The following RAB37 variants were observed in gnomAD, a reference collection of about 807,000 sequenced individuals.
RAB37 encodes ras-related protein Rab-37.
RAB37 carries 29 observed loss-of-function variants against 33.1 expected under a neutral mutation model. That is an observed-to-expected ratio of 0.88 (90% CI 0.65 to 1.20). The LOEUF (loss-of-function observed/expected upper bound fraction) is 1.20, where lower values mean the gene tolerates loss of function less well. Among genes scored for constraint, RAB37 ranks in the 50% most tolerant of loss-of-function variants. RAB37 has a pLI of 0.00. For synonymous variants in RAB37, 128 were observed against 119.5 expected (o/e 1.07, Z -0.47); for missense variants, 299 against 301.1 (o/e 0.99, Z 0.05).
At chr17:74,694,947 G>T in intron 1 of RAB37, 1 of 863,716 alleles carries the variant, frequency 1.2e-6, no homozygotes, top group Non-Finnish European at 1.7e-6. Context: ...TTGGCCCCAA[G>T]CCCAACCCAG....
intron 1 of RAB37, among the ~76,000 whole-genome samples, chr17:74,679,748 G>T (rs1325585570): frequency 6.6e-6 from 1 of 152,174 alleles, no homozygotes; most frequent in Admixed American, 6.5e-5. Context: ...GAGAGGCTGA[G>T]ATGGGCAGAT....
Position 74,671,950 on chromosome 17 carries a change from G to C in RAB37, c.72+292G>C, listed in dbSNP as rs767159072. ...TCCTTGCCTATTTATGCCCCTGGGT[G>C]ACCCCTGGCACCTTGCTCTCCTAAC... On this transcript the variant is annotated intron_variant, in intron 1 of 7. Transcript: ENST00000340415. This position sits in a 1 kb window ranked among gnomAD's most constrained non-coding sequence, Gnocchi z 5.0. Among the ~76,000 whole-genome samples, 23 of 152,226 alleles carry C rather than the reference G, an allele frequency of 1.5e-4. No individual in the cohort carries two copies. The highest frequency in any genetic ancestry group is 2.6e-4 in the Admixed American group (4 of 15,298).
chr17:74,702,120 G>C (rs1432597706), intron 1 of RAB37, among the ~76,000 whole-genome samples: 1 of 152,070 alleles, frequency 6.6e-6, no homozygotes, highest in Non-Finnish European at 1.5e-5. Context: ...TAGAATACCG[G>C]GGACCTCCCA....
chr17:74,708,704 G>A (rs11077761), intron 1 of RAB37, among the ~76,000 whole-genome samples: 1 of 151,950 alleles, frequency 6.6e-6, no homozygotes, highest in African/African-American at 2.4e-5. Flanking sequence ...ATCAGGAGGT[G>A]AGGAGATCGA....
At chr17:74,705,565 A>G (rs2033438538) in intron 1 of RAB37, among the ~76,000 whole-genome samples, 1 of 151,888 alleles carries the variant, frequency 6.6e-6, no homozygotes, top group African/African-American at 2.4e-5. Flanking sequence ...GTAAGGCAGT[A>G]TTTACTTTTT....
chr17:74,698,301 A>T (rs897956988), intron 1 of RAB37: 1 of 1,066,636 alleles, frequency 9.4e-7, no homozygotes. Flanking sequence ...TGGACCAGAT[A>T]GCTCCCAGAT....
chr17:74,689,482 C>A (rs974580776), intron 1 of RAB37, among the ~76,000 whole-genome samples: 4 of 152,016 alleles, frequency 2.6e-5, no homozygotes, highest in Non-Finnish European at 5.9e-5. Flanking sequence ...AGAAAAAATA[C>A]AGTATATCTC....
At chr17:74,736,812 C>A, upstream of RAB37, 1 of 1,534,780 alleles carries the variant, frequency 6.5e-7, no homozygotes, top group Non-Finnish European at 8.7e-7. Flanking sequence ...TGTCTCGGGG[C>A]CATCGGCGGA....
chr17:74,696,383 C>T (rs2032478491), intron 1 of RAB37, among the ~76,000 whole-genome samples: 1 of 152,194 alleles, frequency 6.6e-6, no homozygotes, highest in Admixed American at 6.5e-5. Context: ...CAGTCTGTGA[C>T]ATTCGTCATG....
At chr17:74,720,804 G>A (rs1351739993) in intron 1 of RAB37, among the ~76,000 whole-genome samples, 1 of 152,056 alleles carries the variant, frequency 6.6e-6, no homozygotes, top group East Asian at 1.9e-4. Context: ...TTCTTGTCAG[G>A]TGTCCAGGAA....
intron 1 of RAB37, among the ~76,000 whole-genome samples, chr17:74,678,914 C>A (rs2031897025): frequency 1.3e-5 from 2 of 152,108 alleles, no homozygotes; most frequent in South Asian, 4.1e-4. Flanking sequence ...AGTTCAAGAT[C>A]AGCCTGGCCA....
chr17:74,733,199 T>C (rs2034414252), upstream of RAB37, among the ~76,000 whole-genome samples: 1 of 152,066 alleles, frequency 6.6e-6, no homozygotes, highest in South Asian at 2.1e-4. Context: ...GGTATGTGTG[T>C]TTGAGGGTCA....
intron 1 of RAB37, chr17:74,705,511 C>G (rs755262354): frequency 2.6e-5 from 12 of 467,064 alleles, no homozygotes; most frequent in Non-Finnish European, 4.6e-5. Flanking sequence ...ATCCTACATT[C>G]TCCTGATTAC....
intron 1 of RAB37, among the ~76,000 whole-genome samples, chr17:74,723,444 C>T (rs1227211630): frequency 2.6e-5 from 4 of 151,252 alleles, no homozygotes; most frequent in African/African-American, 9.7e-5. Context: ...TTTGAAACCA[C>T]CTGTCCCCAT....
At chr17:74,703,056 G>C in intron 1 of RAB37, 3 of 1,614,004 alleles carry the variant, frequency 1.9e-6, no homozygotes, top group Non-Finnish European at 2.5e-6. Flanking sequence ...GTGGTGGCCG[G>C]TCAGAGTTGG....
At chr17:74,707,699 A>T (rs2033626807) in intron 1 of RAB37, among the ~76,000 whole-genome samples, 1 of 151,196 alleles carries the variant, frequency 6.6e-6, no homozygotes, top group South Asian at 2.1e-4. Context: ...CGAGCAACAG[A>T]GTGAGACTCC....
intron 1 of RAB37, among the ~76,000 whole-genome samples, chr17:74,724,253 G>A (rs1022230503): frequency 5.9e-5 from 9 of 152,190 alleles, no homozygotes; most frequent in African/African-American, 2.2e-4. Flanking sequence ...GTCTGGAAAG[G>A]CGGGACAACT....
intron 1 of RAB37, among the ~76,000 whole-genome samples, chr17:74,724,015 T>C (rs1199120151): frequency 2.6e-5 from 4 of 152,136 alleles, no homozygotes; most frequent in Non-Finnish European, 5.9e-5. Flanking sequence ...CAGCAGCTGT[T>C]GGGTGGCGAG....
At chr17:74,721,405 A>G (rs916167859) in intron 1 of RAB37, among the ~76,000 whole-genome samples, 2 of 151,022 alleles carry the variant, frequency 1.3e-5, no homozygotes, top group Non-Finnish European at 2.9e-5. Context: ...CACTACAATG[A>G]GCATCCTTAT....
Sources: gnomAD v4.1 joint callset for allele counts (sites outside exome capture counted in the v4.1 genomes callset) on GRCh38, gnomAD v4.1.1 for gene constraint, Gnocchi (gnomAD v3.1) non-coding constraint, MANE v1.5 for transcripts, NCBI Gene and HGNC (gene_info 2026-07-23, HGNC 2026-07-21) for gene names.